The following NLRP5 variants were observed in gnomAD, a reference collection of about 807,000 sequenced individuals.
NLRP5 encodes NACHT, LRR and PYD domains-containing protein 5.
NLRP5 carries 93 observed loss-of-function variants against 113.1 expected under a neutral mutation model. The ratio of observed to expected loss-of-function variants is 0.82; its 90% CI spans 0.70 to 0.98. NLRP5 has a LOEUF of 0.98. Ranked by LOEUF, NLRP5 falls within the 50% of genes least tolerant of loss-of-function variation. The probability of loss-of-function intolerance (pLI) is 0.00; values close to 1 mark genes in which losing one functional copy is unlikely to be tolerated. For synonymous variants in NLRP5, 751 were observed against 600.7 expected (o/e 1.25, Z -3.66); for missense variants, 1,808 against 1,514.3 (o/e 1.19, Z -3.22).
intron 12 of NLRP5, 150 bp from the exon 13 acceptor site, chr19:56,053,488 C>G: frequency 1.7e-6 from 1 of 582,164 alleles, no homozygotes; most frequent in South Asian, 2.9e-5. Flanking sequence ...CCAACAGATA[C>G]CACGTGGTCT....
chr19:56,017,180 C>G (rs893015271), intron 4 of NLRP5, among the ~76,000 whole-genome samples: 1 of 152,278 alleles, frequency 6.6e-6, no homozygotes, highest in Non-Finnish European at 1.5e-5. Flanking sequence ...TTTTAGCTGT[C>G]TCTTTTTTTC....
Position 56,028,037 on chromosome 19 carries a change from G to GAA in NLRP5, c.1806_1807dup (p.Ile603LysfsTer32), listed in dbSNP as rs1281120350. 1 of 1,613,860 alleles carries GAA rather than the reference G, an allele frequency of 6.2e-7. No individual in the cohort carries two copies. The highest frequency in any genetic ancestry group is 1.3e-5 in the African/African-American group (1 of 74,926). ...CTTGTACTACGTGTTAGAGGGCCTGGAAATCGAGCCAGCTCTCTGCCCTCT... is the reference window on the plus strand; with the variant it reads ...CTTGTACTACGTGTTAGAGGGCCTGGAAAAATCGAGCCAGCTCTCTGCCCTCT... On this transcript the variant is annotated frameshift_variant, in exon 7 of 15. Transcript: ENST00000390649. LOFTEE classifies it high-confidence loss of function.
At position 56,027,961 on chromosome 19, in the gene NLRP5, TGAG is replaced by T; in HGVS notation, c.1732_1734del (p.Glu578del). ...ACATCCTTCTCCCAGACAGCCACTG[TGAG>T]GAGTACTACACCTTCTTCCACCTCA... is the stretch of plus-strand genomic sequence containing the variant. On this transcript the variant is annotated inframe_deletion, in exon 7 of 15. Coordinates refer to ENST00000390649, the MANE Select transcript of NLRP5 (RefSeq NM_153447.4). 6.2e-7 allele frequency: 1 copy of T among 1,613,962 alleles called. No homozygotes were observed. Among genetic ancestry groups the T allele is most frequent in the South Asian group, 1.1e-5 (1 of 91,080 alleles).
At chr19:56,013,314 T>C (rs1768248218) in intron 3 of NLRP5, among the ~76,000 whole-genome samples, 1 of 152,084 alleles carries the variant, frequency 6.6e-6, no homozygotes, top group African/African-American at 2.4e-5. Flanking sequence ...TGCCTCAGCC[T>C]CCTGAGTAGC....
At chr19:56,017,438 A>G (rs554037449) in intron 4 of NLRP5, among the ~76,000 whole-genome samples, 2 of 152,186 alleles carry the variant, frequency 1.3e-5, no homozygotes, top group South Asian at 4.1e-4. Context: ...TCCTTTATGC[A>G]CGGCTCTACC....
chr19:56,008,787 G>T lies in NLRP5; in HGVS notation c.443-1G>T, dbSNP rs1181866276. The T allele has an allele frequency of 6.2e-7, 1 of 1,608,284 alleles. No homozygotes were observed. The highest frequency in any genetic ancestry group is 8.5e-7 in the Non-Finnish European group (1 of 1,177,324). ...AGTCTCCCTTTTTCTTTGTCTTCCAGGACATTCACCAGAAGATCCTGAAGC... is the reference window on the plus strand; with the variant it reads ...AGTCTCCCTTTTTCTTTGTCTTCCATGACATTCACCAGAAGATCCTGAAGC... On this transcript the variant is annotated splice_acceptor_variant, in intron 2 of 14. Coordinates refer to ENST00000390649, the MANE Select transcript of NLRP5 (RefSeq NM_153447.4). LOFTEE classifies it high-confidence loss of function.
At chr19:56,039,659 C>T (rs10416667) in intron 10 of NLRP5, among the ~76,000 whole-genome samples, 12,424 of 152,076 alleles carry the variant, frequency 0.082, 543 homozygotes, top group Non-Finnish European at 0.096. Context: ...ACGCCTGTAA[C>T]CCAGCACTTT....
intron 8 of NLRP5, among the ~76,000 whole-genome samples, chr19:56,033,091 C>CA (rs536480507): frequency 1.1e-3 from 160 of 148,592 alleles, no homozygotes; most frequent in Middle Eastern, 3.4e-3. Context: ...ACTAAAAATA[C>CA]AAAAAAAAAA....
chr19:56,040,270 A>T (rs1030731080), intron 10 of NLRP5, among the ~76,000 whole-genome samples: 33 of 152,162 alleles, frequency 2.2e-4, no homozygotes, highest in Admixed American at 1.5e-3. Flanking sequence ...AAATTGGAAA[A>T]ATTGGCCCAG....
intron 6 of NLRP5, among the ~76,000 whole-genome samples, chr19:56,024,396 A>C (rs991756071): frequency 8.1e-6 from 1 of 122,972 alleles, no homozygotes; most frequent in African/African-American, 3.1e-5. Flanking sequence ...ACATATATAC[A>C]TATATGTACA....
intron 9 of NLRP5, among the ~76,000 whole-genome samples, chr19:56,034,067 G>T (rs966409986): frequency 5.3e-5 from 8 of 152,156 alleles, no homozygotes; most frequent in African/African-American, 7.2e-5. Context: ...ACCATACCCA[G>T]CGAGATTTTA....
intron 12 of NLRP5, among the ~76,000 whole-genome samples, chr19:56,052,614 C>T (rs1983973393): frequency 6.6e-6 from 1 of 152,106 alleles, no homozygotes; most frequent in Admixed American, 6.5e-5. Flanking sequence ...GAGGATGGAC[C>T]ATCCCCCTCC....
intron 6 of NLRP5, among the ~76,000 whole-genome samples, chr19:56,020,718 C>T (rs1290755199): frequency 6.7e-6 from 1 of 150,104 alleles, no homozygotes; most frequent in Non-Finnish European, 1.5e-5. Context: ...GGATGTTAAA[C>T]ATATGGCCAA....
In NLRP5 at chr19:56,041,070, C is replaced by T. The variant is rs1407759992; in HGVS notation, c.2935C>T (p.His979Tyr). The T allele has an allele frequency of 1.9e-6, 3 of 1,613,816 alleles. No homozygotes were observed. Among genetic ancestry groups the T allele is most frequent in the African/African-American group, 1.3e-5 (1 of 74,918 alleles). ...ACTGTGTCGATCCATGAGGCTTCCCCACTGTAGTCTGCAGAGGCTGATGTG... is the reference window on the plus strand; with the variant it reads ...ACTGTGTCGATCCATGAGGCTTCCCTACTGTAGTCTGCAGAGGCTGATGTG... Residue 979 changes from histidine to tyrosine, a missense_variant, in exon 11 of 15, where the codon CAC (histidine) becomes TAC (tyrosine). Physicochemically the swap from His to Tyr is moderately conservative, Grantham distance 83. Transcript: ENST00000390649.
chr19:56,013,845 T>C (rs1982305864), intron 3 of NLRP5, among the ~76,000 whole-genome samples: 2 of 152,142 alleles, frequency 1.3e-5, no homozygotes, highest in Admixed American at 6.6e-5. Context: ...CTATTTTTCA[T>C]TGTAACCATC....
At chr19:56,049,065 T>C (rs1212162238) in intron 11 of NLRP5, among the ~76,000 whole-genome samples, 1 of 142,872 alleles carries the variant, frequency 7.0e-6, no homozygotes, top group Non-Finnish European at 1.5e-5. Context: ...CACTGCAACC[T>C]CCGCCTCCTG....
upstream of NLRP5, among the ~76,000 whole-genome samples, chr19:55,995,192 C>T (rs1346011298): frequency 6.6e-6 from 1 of 152,082 alleles, no homozygotes; most frequent in African/African-American, 2.4e-5. Context: ...GGGAACATCA[C>T]ACACTGGGGC....
At chr19:56,028,615 T>G in intron 7 of NLRP5, 106 bp downstream of exon 7, 1 of 1,118,778 alleles carries the variant, frequency 8.9e-7, no homozygotes, top group Non-Finnish European at 1.3e-6. Context: ...AGAGAATTCT[T>G]TCAGGATGAA....
At chr19:56,013,596 G>GTTTTTTGTTTTTTTTTTTTTTTTTTTT (rs1982287399) in intron 3 of NLRP5, among the ~76,000 whole-genome samples, 2 of 59,284 alleles carry the variant, frequency 3.4e-5, no homozygotes, top group African/African-American at 1.7e-4. Flanking sequence ...GGACATTTGG[G>GTTTTTTGTTTTTTTTTTTTTTTTTTTT]TTTTTTTTTT....
Sources: allele counts gnomAD v4.1 joint callset (sites outside exome capture counted in the v4.1 genomes callset), GRCh38; gene constraint gnomAD v4.1.1; transcripts MANE v1.5; gene names NCBI Gene and HGNC (gene_info 2026-07-23, HGNC 2026-07-21).